The following ADGRL2 variants were observed in gnomAD, a reference collection of about 807,000 sequenced individuals.
The protein encoded by ADGRL2 is adhesion G protein-coupled receptor L2.
Under a neutral mutation model 157.4 loss-of-function variants are expected in ADGRL2, and 44 were observed. The observed-to-expected ratio is 0.28, with a 90% CI of 0.22 to 0.36. The LOEUF (loss-of-function observed/expected upper bound fraction) is 0.36. Among genes scored for constraint, ADGRL2 ranks in the 10% least tolerant of loss-of-function variants. The probability of loss-of-function intolerance (pLI) is 1.00; values close to 1 mark genes in which losing one functional copy is unlikely to be tolerated. For synonymous variants in ADGRL2, 585 were observed against 624.7 expected, an observed-to-expected ratio of 0.94 and a Z score of 0.95; for missense variants, 1,510 against 1,768.9, an observed-to-expected ratio of 0.85 and a Z score of 2.63.
intron 1 of ADGRL2, among the ~76,000 whole-genome samples, chr1:81,313,825 A>C (rs1659921846): frequency 6.6e-6 from 1 of 152,146 alleles, no homozygotes; most frequent in South Asian, 2.1e-4. Context: ...CCTTAAACAC[A>C]GACTGCCATT....
rs1294649398 is a variant in ADGRL2, at chr1:81,403,295, C to T, written c.-301-41741C>T. 2.0e-5 allele frequency among the ~76,000 whole-genome samples: 3 copies of T among 151,770 alleles called. 1 individual carries two copies. Among genetic ancestry groups the T allele is most frequent in the South Asian group, 4.2e-4 (2 of 4,808 alleles). On this transcript the variant is annotated intron_variant, in intron 1 of 24. Coordinates refer to the ADGRL2 transcript ENST00000370721. ...GTTTTTTGTTTTTGAGACAGAGTCTCCCTCTGTTGCCCAGACTGGAGTGCA... is the reference window on the plus strand; with the variant it reads ...GTTTTTTGTTTTTGAGACAGAGTCTTCCTCTGTTGCCCAGACTGGAGTGCA...
chr1:81,731,622 A>T (rs550317726), intron 1 of ADGRL2, among the ~76,000 whole-genome samples: 1 of 152,082 alleles, frequency 6.6e-6, no homozygotes, highest in South Asian at 2.1e-4. Context: ...AGATGTGTGT[A>T]TGTGCTTGCT....
At chr1:81,415,142 T>C (rs1231755006) in intron 1 of ADGRL2, among the ~76,000 whole-genome samples, 1 of 152,228 alleles carries the variant, frequency 6.6e-6, no homozygotes, top group Non-Finnish European at 1.5e-5. Flanking sequence ...GTGGAAATTA[T>C]AACTCTTTTA....
intron 2 of ADGRL2, among the ~76,000 whole-genome samples, chr1:81,892,546 C>G (rs760458014): frequency 2.6e-5 from 4 of 152,110 alleles, no homozygotes; most frequent in African/African-American, 7.2e-5. Context: ...CATATCAAAA[C>G]ATTCATTGAC....
intron 3 of ADGRL2, among the ~76,000 whole-genome samples, chr1:81,930,230 G>C (rs1321887899): frequency 1.3e-5 from 2 of 152,048 alleles, no homozygotes; most frequent in African/African-American, 4.8e-5. Flanking sequence ...TTAATAGTTT[G>C]TTTTCATTAA....
chr1:81,496,926 C>T (rs953747423), intron 2 of ADGRL2, among the ~76,000 whole-genome samples: 5 of 151,918 alleles, frequency 3.3e-5, no homozygotes, highest in African/African-American at 1.2e-4. Flanking sequence ...TTGGCTTTGT[C>T]CTCCCCTTTC....
At chr1:81,306,832 G>A (rs950062625) in intron 1 of ADGRL2, among the ~76,000 whole-genome samples, 6 of 151,848 alleles carry the variant, frequency 4.0e-5, no homozygotes, top group Non-Finnish European at 8.8e-5. Context: ...AACTTATTAT[G>A]TATGCTGGCC....
intron 2 of ADGRL2, among the ~76,000 whole-genome samples, chr1:81,525,722 C>G (rs974635387): frequency 3.9e-5 from 6 of 151,996 alleles, no homozygotes; most frequent in African/African-American, 1.4e-4. Flanking sequence ...AGTATTTATC[C>G]CAAGGAAATA....
chr1:81,372,554 C>T (rs1570756008), intron 1 of ADGRL2, among the ~76,000 whole-genome samples: 2 of 152,160 alleles, frequency 1.3e-5, no homozygotes, highest in South Asian at 2.1e-4. Context: ...AGTTTTACCT[C>T]ATCAGATGTT....
chr1:81,538,518 G>A (rs895861933), intron 2 of ADGRL2, among the ~76,000 whole-genome samples: 1 of 152,110 alleles, frequency 6.6e-6, no homozygotes, highest in Admixed American at 6.6e-5. Context: ...ATTATTCATG[G>A]TAGTTGTTCA....
chr1:81,800,878 G>A (rs541965573), upstream of ADGRL2, among the ~76,000 whole-genome samples: 1 of 150,012 alleles, frequency 6.7e-6, no homozygotes, highest in East Asian at 2.0e-4. Context: ...CGACTGGGAG[G>A]GGAGAGAAGG....
chr1:81,773,814 C>T (rs940881352), intron 2 of ADGRL2, among the ~76,000 whole-genome samples: 32 of 152,304 alleles, frequency 2.1e-4, no homozygotes, highest in Admixed American at 1.8e-3. Flanking sequence ...TCATGTGTTG[C>T]TGTCCTAACA....
At chr1:81,429,724 G>T (rs113621663) in intron 1 of ADGRL2, among the ~76,000 whole-genome samples, 12 of 152,268 alleles carry the variant, frequency 7.9e-5, no homozygotes, top group African/African-American at 2.9e-4. Flanking sequence ...AGAAAAATAA[G>T]CAGTCTGAAA....
At chr1:81,883,539 TG>T (rs1421215345) in intron 2 of ADGRL2, among the ~76,000 whole-genome samples, 1 of 152,084 alleles carries the variant, frequency 6.6e-6, no homozygotes, top group Non-Finnish European at 1.5e-5. Flanking sequence ...AAAATAAAAA[TG>T]GGGGGAAAGA....
chr1:81,375,892 G>A lies in ADGRL2; in HGVS notation c.-301-69144G>A, dbSNP rs2076240250. Among the ~76,000 whole-genome samples, 5 of 151,740 alleles carry A rather than the reference G, an allele frequency of 3.3e-5. No homozygotes were observed. In the South Asian group the frequency reaches 8.3e-4, roughly 25 times the overall value. On this transcript the variant is annotated intron_variant, in intron 1 of 24. Transcript: ENST00000370721. ...AAAATGCTTCATTCTATTTTTAAAA[G>A]CAAGAATACATCCTTTGACATTCTG...
chr1:81,390,444 T>C (rs1053402241), intron 1 of ADGRL2, among the ~76,000 whole-genome samples: 17 of 152,296 alleles, frequency 1.1e-4, no homozygotes, highest in Non-Finnish European at 2.4e-4. Context: ...GGTGAAGATA[T>C]GGATAGAGAA....
chr1:81,389,825 T>C (rs918787709), intron 1 of ADGRL2, among the ~76,000 whole-genome samples: 2 of 152,130 alleles, frequency 1.3e-5, no homozygotes, highest in Non-Finnish European at 2.9e-5. Flanking sequence ...GGACCTACTA[T>C]AAGGCTAAAA....
At chr1:81,723,131 T>G (rs1312169132) in intron 1 of ADGRL2, 1 of 650,236 alleles carries the variant, frequency 1.5e-6, no homozygotes, top group Non-Finnish European at 2.8e-6. Context: ...ACCTTATGGA[T>G]GTCGCAATAA....
chr1:81,840,881 G>C (rs752095454), intron 2 of ADGRL2, among the ~76,000 whole-genome samples: 1 of 151,876 alleles, frequency 6.6e-6, no homozygotes, highest in African/African-American at 2.4e-5. Flanking sequence ...CAGTTTTATC[G>C]AGAGACTGGT....
Sources: allele counts gnomAD v4.1 joint callset (sites outside exome capture counted in the v4.1 genomes callset), GRCh38; gene constraint gnomAD v4.1.1; transcripts MANE v1.5; gene names NCBI Gene and HGNC (gene_info 2026-07-23, HGNC 2026-07-21).